CSMD3: variants seen among roughly 807,000 people sequenced by gnomAD.
CSMD3 encodes CUB and Sushi multiple domains 3.
CSMD3 carries 177 observed loss-of-function variants against 435.2 expected under a neutral mutation model. The observed-to-expected ratio is 0.41, with a 90% CI of 0.36 to 0.46. The LOEUF (loss-of-function observed/expected upper bound fraction) is 0.46. CSMD3 is among the 20% of genes least tolerant of loss of function. The probability of loss-of-function intolerance (pLI) is 0.34; values close to 1 mark genes in which losing one functional copy is unlikely to be tolerated. For missense variants in CSMD3, 4,265 were observed against 4,504.6 expected (o/e 0.95, Z 1.52); for synonymous variants, 1,656 against 1,520.5 (o/e 1.09, Z -2.07).
chr8:113,370,811 A>C (rs1042290984), intron 1 of CSMD3, among the ~76,000 whole-genome samples: 1 of 152,006 alleles, frequency 6.6e-6, no homozygotes, highest in Non-Finnish European at 1.5e-5. Flanking sequence ...AATTCTCCAT[A>C]AAGTTTATAT....
At chr8:112,596,668 C>A (rs1270721788) in intron 22 of CSMD3, among the ~76,000 whole-genome samples, 14 of 151,972 alleles carry the variant, frequency 9.2e-5, no homozygotes, top group African/African-American at 2.7e-4. Context: ...CAAACTATCT[C>A]TCAGACCACA....
intron 5 of CSMD3, among the ~76,000 whole-genome samples, chr8:113,051,529 A>G (rs989475387): frequency 1.3e-5 from 2 of 152,120 alleles, no homozygotes; most frequent in Non-Finnish European, 2.9e-5. Context: ...AATTTGTTTC[A>G]GTTACTCAAA....
At chr8:113,310,943 TAAC>T (rs539691642) in intron 2 of CSMD3, 21 of 152,078 alleles carry the variant, frequency 1.4e-4, no homozygotes, top group East Asian at 1.9e-4. Flanking sequence ...TAAATATACT[TAAC>T]AAATTCAATA....
At chr8:112,695,191 C>G (rs918101936) in intron 13 of CSMD3, among the ~76,000 whole-genome samples, 1 of 152,120 alleles carries the variant, frequency 6.6e-6, no homozygotes, top group Non-Finnish European at 1.5e-5. Context: ...CCACTAGCAC[C>G]AATTTAATGT....
chr8:112,734,725 A>G (rs1408090519), intron 13 of CSMD3, among the ~76,000 whole-genome samples: 3 of 152,006 alleles, frequency 2.0e-5, no homozygotes, highest in African/African-American at 7.2e-5. Context: ...TTTTATCTTT[A>G]AATATTTTAT....
intron 5 of CSMD3, among the ~76,000 whole-genome samples, chr8:113,081,422 C>T (rs1050975271): frequency 6.6e-6 from 1 of 152,086 alleles, no homozygotes; most frequent in African/African-American, 2.4e-5. Flanking sequence ...TGTTGGGACT[C>T]CCCCACTGCT....
Position 112,231,577 on chromosome 8 carries a change from T to C in CSMD3, c.10796A>G (p.Lys3599Arg), listed in dbSNP as rs774433724. The C allele has an allele frequency of 3.7e-6, 6 of 1,612,380 alleles. No homozygotes were observed. Among genetic ancestry groups the C allele is most frequent in the Non-Finnish European group, 5.1e-6 (6 of 1,178,600 alleles). The change falls in exon 69 of 71, where the codon AAA becomes AGA. Residue 3599 changes from lysine to arginine, a missense_variant. Physicochemically the swap from Lys to Arg is conservative, Grantham distance 26 (BLOSUM62 2). Coordinates refer to ENST00000297405, the MANE Select transcript of CSMD3 (RefSeq NM_198123.2). ...TTGTAGGCCAAATTGTCCATAATCT[T>C]TGCCTTGAATAAATCCTTGAAATAC... ...TYVFQGFIQG[K>R]DYGQFGLQRL... is the part of the protein sequence containing the mutation.
chr8:113,343,432 T>C (rs2094133069), intron 1 of CSMD3, among the ~76,000 whole-genome samples: 2 of 152,080 alleles, frequency 1.3e-5, no homozygotes. Context: ...CATTTGAAGA[T>C]CACAGAGAAA....
intron 11 of CSMD3, among the ~76,000 whole-genome samples, chr8:112,857,951 C>A (rs554620949): frequency 7.9e-5 from 12 of 151,598 alleles, no homozygotes; most frequent in Non-Finnish European, 1.6e-4. Flanking sequence ...TTCCTTCATG[C>A]AACTGAGGGG....
chr8:112,282,687 C>A (rs1818777922), intron 58 of CSMD3, among the ~76,000 whole-genome samples: 1 of 152,114 alleles, frequency 6.6e-6, no homozygotes, highest in East Asian at 1.9e-4. Context: ...TTTCTCCTAT[C>A]CAGACATTTT....
At chr8:112,268,287 TG>T in intron 59 of CSMD3, among the ~76,000 whole-genome samples, 1 of 152,194 alleles carries the variant, frequency 6.6e-6, no homozygotes, top group Non-Finnish European at 1.5e-5. Flanking sequence ...ATAAATTATT[TG>T]AAAGGTCTGA....
intron 6 of CSMD3, among the ~76,000 whole-genome samples, chr8:113,002,958 G>T (rs974522017): frequency 2.6e-5 from 4 of 152,068 alleles, no homozygotes; most frequent in Non-Finnish European, 4.4e-5. Flanking sequence ...AACTAGTGTT[G>T]GCCAGGCACG....
intron 5 of CSMD3, among the ~76,000 whole-genome samples, chr8:113,053,815 C>T (rs1385899798): frequency 6.6e-6 from 1 of 152,064 alleles, no homozygotes; most frequent in African/African-American, 2.4e-5. Flanking sequence ...CTTAAGCATA[C>T]ATGCAATGGT....
At chr8:113,356,838 A>G (rs1161003169) in intron 1 of CSMD3, among the ~76,000 whole-genome samples, 1 of 152,160 alleles carries the variant, frequency 6.6e-6, no homozygotes, top group Non-Finnish European at 1.5e-5. Context: ...ATCTGTGAGC[A>G]TTCTAAAAAT....
intron 6 of CSMD3, among the ~76,000 whole-genome samples, chr8:113,002,682 T>C (rs941383987): frequency 6.6e-6 from 1 of 152,144 alleles, no homozygotes; most frequent in African/African-American, 2.4e-5. Context: ...TAAGACTTAA[T>C]GTGACTAGGT....
At chr8:112,330,779 A>G (rs2130922492) in intron 45 of CSMD3, among the ~76,000 whole-genome samples, 1 of 152,230 alleles carries the variant, frequency 6.6e-6, no homozygotes, top group Middle Eastern at 3.4e-3. Context: ...TTAAAGAACA[A>G]TTAGGTTTAT....
intron 22 of CSMD3, among the ~76,000 whole-genome samples, chr8:112,621,297 G>T (rs1045830251): frequency 9.9e-5 from 15 of 151,954 alleles, no homozygotes; most frequent in Non-Finnish European, 1.8e-4. Flanking sequence ...ATCAATAATT[G>T]TTAAACCCAG....
chr8:112,958,862 A>G (rs553988345), intron 7 of CSMD3, among the ~76,000 whole-genome samples: 65 of 152,234 alleles, frequency 4.3e-4, no homozygotes, highest in African/African-American at 1.5e-3. Context: ...GAAGTACTAT[A>G]TTTAGTGTTG....
intron 13 of CSMD3, among the ~76,000 whole-genome samples, chr8:112,766,278 G>A (rs1278591550): frequency 2.0e-5 from 3 of 151,176 alleles, no homozygotes; most frequent in Non-Finnish European, 4.4e-5. Flanking sequence ...TTGTCCAGAA[G>A]AAGAAGAGAT....
Sources: allele counts gnomAD v4.1 joint callset (sites outside exome capture counted in the v4.1 genomes callset), GRCh38; gene constraint gnomAD v4.1.1; transcripts MANE v1.5; gene names NCBI Gene and HGNC (gene_info 2026-07-23, HGNC 2026-07-21).